PLB1: variants seen among roughly 807,000 people sequenced by gnomAD.
PLB1 encodes phospholipase B1, also known as phospholipase B1, membrane-associated.
In PLB1, 242 loss-of-function variants were observed where a neutral mutation model predicts 227.4. The ratio of observed to expected loss-of-function variants is 1.06; its 90% CI spans 0.96 to 1.18. PLB1 has a LOEUF of 1.18. Among genes scored for constraint, PLB1 ranks in the 50% most tolerant of loss-of-function variants. PLB1 has a pLI of 0.00. For missense variants in PLB1, 1,858 were observed against 1,816.3 expected (o/e 1.02, Z -0.42); for synonymous variants, 757 against 682.2 (o/e 1.11, Z -1.71).
chr2:28,605,305 G>T (rs1684513367), intron 41 of PLB1, among the ~76,000 whole-genome samples: 1 of 152,154 alleles, frequency 6.6e-6, no homozygotes, highest in African/African-American at 2.4e-5. Context: ...ACTGAGGTCT[G>T]TCCCCCTGGG....
At chr2:28,518,340 A>AT (rs1423820724) in intron 2 of PLB1, 126 bp from the exon 3 acceptor site, 2 of 736,172 alleles carry the variant, frequency 2.7e-6, no homozygotes, top group Admixed American at 4.1e-5. Context: ...ACTATGGGCA[A>AT]TTGTTGTTTC....
At chr2:28,598,247 A>G (rs542646002) in intron 34 of PLB1, among the ~76,000 whole-genome samples, 199 bp downstream of exon 34, 1 of 152,292 alleles carries the variant, frequency 6.6e-6, no homozygotes, top group Non-Finnish European at 1.5e-5. Flanking sequence ...ATCTGAGTTC[A>G]ATCCCTGGTG....
chr2:28,632,221 C>CTTTT (rs3071742), intron 55 of PLB1, 81 bp downstream of exon 55: 84 of 898,784 alleles, frequency 9.3e-5, no homozygotes, highest in East Asian at 3.9e-4. Context: ...TCTAAGTGGG[C>CTTTT]TTTTTTTTTT....
intron 1 of PLB1, among the ~76,000 whole-genome samples, chr2:28,501,125 AC>A (rs1401378135): frequency 1.3e-5 from 2 of 152,226 alleles, no homozygotes; most frequent in Non-Finnish European, 2.9e-5. Context: ...TTTTTTAAAA[AC>A]ATCCAATAAA....
intron 42 of PLB1, among the ~76,000 whole-genome samples, chr2:28,606,234 G>T (rs180919272): frequency 2.0e-5 from 3 of 152,274 alleles, no homozygotes; most frequent in Admixed American, 2.0e-4. Context: ...ACCATGTTAG[G>T]CAGTTTAAGC....
intron 2 of PLB1, among the ~76,000 whole-genome samples, chr2:28,517,291 T>A (rs1668967922): frequency 6.6e-6 from 1 of 152,212 alleles, no homozygotes; most frequent in Admixed American, 6.5e-5. Context: ...AAGTGAGATG[T>A]CCTCAATCAC....
At chr2:28,570,316 T>C (rs1240311108) in intron 20 of PLB1, among the ~76,000 whole-genome samples, 3 of 152,116 alleles carry the variant, frequency 2.0e-5, no homozygotes, top group Non-Finnish European at 4.4e-5. Flanking sequence ...AAAAAAAAAG[T>C]ATACCTCATG....
chr2:28,603,299 T>C (rs1398896867), intron 39 of PLB1, among the ~76,000 whole-genome samples: 1 of 152,180 alleles, frequency 6.6e-6, no homozygotes, highest in East Asian at 1.9e-4. Flanking sequence ...CAGTTACCTT[T>C]AGGGGAAGAA....
chr2:28,638,462 C>T (rs114212567), intron 56 of PLB1, among the ~76,000 whole-genome samples: 3,974 of 152,166 alleles, frequency 0.026, 64 homozygotes, highest in Non-Finnish European at 0.04. Context: ...TATGCTCTGG[C>T]TTACCCCTGG....
intron 33 of PLB1, chr2:28,594,845 A>G (rs1457972492): frequency 6.6e-6 from 1 of 152,116 alleles, no homozygotes; most frequent in Non-Finnish European, 1.5e-5. Flanking sequence ...TCACTGACTC[A>G]CCATTCTGCT....
intron 1 of PLB1, among the ~76,000 whole-genome samples, chr2:28,502,718 G>A (rs1667236048): frequency 6.6e-6 from 1 of 152,022 alleles, no homozygotes; most frequent in Admixed American, 6.5e-5. Context: ...GCTGGATTTG[G>A]GTACCAATGT....
chr2:28,547,295 C>G (rs1403949366), intron 14 of PLB1, among the ~76,000 whole-genome samples: 1 of 151,860 alleles, frequency 6.6e-6, no homozygotes, highest in African/African-American at 2.4e-5. Context: ...TCAATACTTC[C>G]TTTGACAGCC....
At position 28,602,656 on chromosome 2, in the gene PLB1, A is replaced by G. The variant is rs149231422; in HGVS notation, c.2674-165A>G. ...TGGCACCCATGGAGTTGTGTGATGT[A>G]CGGCCTGTAAGGCCCTACGAGGTAG... On this transcript the variant is annotated intron_variant, in intron 38 of 57. Coordinates refer to ENST00000327757, the MANE Select transcript of PLB1 (RefSeq NM_153021.5). Among the ~76,000 whole-genome samples the G allele has an allele frequency of 3.2e-3, 486 of 152,330 alleles. 5 individuals are homozygous for G. Among genetic ancestry groups the G allele is most frequent in the African/African-American group, 0.011 (461 of 41,568 alleles).
chr2:28,552,848 C>G (rs1478573352), intron 16 of PLB1, 80 bp from the exon 17 acceptor site: 27 of 1,197,792 alleles, frequency 2.3e-5, no homozygotes, highest in Non-Finnish European at 3.3e-5. Flanking sequence ...TGATGTTTTC[C>G]AAAATAGAGG....
intron 26 of PLB1, among the ~76,000 whole-genome samples, chr2:28,588,064 A>G (rs772599349): frequency 6.6e-6 from 1 of 151,820 alleles, no homozygotes; most frequent in African/African-American, 2.4e-5. Context: ...GCCCTGTCTC[A>G]GAATCATCTC....
At chr2:28,564,580 G>A (rs533003840) in intron 18 of PLB1, among the ~76,000 whole-genome samples, 7 of 152,262 alleles carry the variant, frequency 4.6e-5, no homozygotes, top group South Asian at 2.1e-4. Context: ...ATCACATCTC[G>A]GCACAGCTGC....
At chr2:28,540,974 C>G (rs763296889) in intron 12 of PLB1, among the ~76,000 whole-genome samples, 4 of 152,062 alleles carry the variant, frequency 2.6e-5, no homozygotes, top group African/African-American at 4.8e-5. Flanking sequence ...AGTTCAAGAC[C>G]AGTCTGGGCA....
rs1273110280 is a variant in PLB1 at position 28,567,751 on chromosome 2, C to T, written c.1324+912C>T. 2.0e-5 allele frequency among the ~76,000 whole-genome samples: 3 copies of T among 152,098 alleles called. No individual in the cohort carries two copies. The East Asian group carries it at 5.8e-4, about 29-fold the overall frequency. ...CCTCCCAAAGTGCTGGGATTACAGG[C>T]GGAATGATTTTTTAAAGTCTGATTA... On this transcript the variant is annotated intron_variant, in intron 20 of 57. Coordinates refer to ENST00000327757, the MANE Select transcript of PLB1 (RefSeq NM_153021.5).
rs60393903 is a variant in PLB1, at chr2:28,562,540, C to CAAAAAAAAAAAAAAAAAAAAA, written c.1148-482_1148-481insAAAAAAAAAAAAAAAAAAAAA. ...CTGGAGACAGAGCAAGACTCTGTCT[C>CAAAAAAAAAAAAAAAAAAAAA]AAAAAAAAAAAAAAAAAAAGTCAGT... On this transcript the variant is annotated intron_variant, in intron 17 of 57. Coordinates refer to ENST00000327757, the MANE Select transcript of PLB1 (RefSeq NM_153021.5). Among the ~76,000 whole-genome samples the CAAAAAAAAAAAAAAAAAAAAA allele has an allele frequency of 5.4e-4, 23 of 42,602 alleles. 3 individuals carry two copies. The highest frequency in any genetic ancestry group is 1.4e-3 in the African/African-American group (13 of 9,014). The allele number at this position is 42,602 out of a possible 152,430, so 27.9% of individuals were successfully genotyped here. A position where few individuals can be genotyped will look rare whatever the true frequency, so the allele number is the denominator to read the frequency against.
Sources: allele counts gnomAD v4.1 joint callset (sites outside exome capture counted in the v4.1 genomes callset), GRCh38; gene constraint gnomAD v4.1.1; transcripts MANE v1.5; gene names NCBI Gene and HGNC (gene_info 2026-07-23, HGNC 2026-07-21).